The following BRMS1L variants were observed in gnomAD, a reference collection of about 807,000 sequenced individuals.
The protein encoded by BRMS1L is BRMS1 like transcriptional repressor, also known as breast cancer metastasis-suppressor 1-like protein.
In BRMS1L, 23 loss-of-function variants were observed where a neutral mutation model predicts 50.3. The observed-to-expected ratio is 0.46, with a 90% CI of 0.33 to 0.65. BRMS1L has a LOEUF of 0.65. Among genes scored for constraint, BRMS1L ranks in the 30% least tolerant of loss-of-function variants. The pLI, the probability that BRMS1L is intolerant of heterozygous loss-of-function variation, is 0.02. For synonymous variants in BRMS1L, 114 were observed against 126.9 expected (o/e 0.90, Z 0.69); for missense variants, 286 against 386.1 (o/e 0.74, Z 2.17).
At chr14:35,833,149 T>C in intron 3 of BRMS1L, 44 bp downstream of exon 3, 1 of 1,555,548 alleles carries the variant, frequency 6.4e-7, no homozygotes, top group East Asian at 2.3e-5. Flanking sequence ...ATGTAAACTC[T>C]TCAGTAGCTT....
chr14:35,838,386 C>T (rs1343289147), intron 4 of BRMS1L, among the ~76,000 whole-genome samples: 1 of 152,094 alleles, frequency 6.6e-6, no homozygotes, highest in Non-Finnish European at 1.5e-5. Flanking sequence ...TGGGTGTATA[C>T]CCAGTATTGG....
At chr14:35,835,723 T>C (rs536336586) in intron 4 of BRMS1L, among the ~76,000 whole-genome samples, 1 of 152,238 alleles carries the variant, frequency 6.6e-6, no homozygotes, top group South Asian at 2.1e-4. Context: ...CAGGTGGCTG[T>C]AGTCCTAGCT....
Position 35,826,509 on chromosome 14 carries a change from G to T in BRMS1L, c.-8G>T. The T allele has an allele frequency of 6.3e-7, 1 of 1,577,078 alleles. No homozygotes were observed. The highest frequency in any genetic ancestry group is 8.6e-7 in the Non-Finnish European group (1 of 1,161,828). On this transcript the variant is annotated 5_prime_UTR_variant, in exon 1 of 10. Transcript: ENST00000216807. ...GCCGGTAGTGGAAAGCGACGGCGCG[G>T]CTGGAAAATGCCAGTCCATTCCCGA...
chr14:35,832,090 A>C (rs868680427), intron 2 of BRMS1L, among the ~76,000 whole-genome samples: 1 of 152,180 alleles, frequency 6.6e-6, no homozygotes, highest in African/African-American at 2.4e-5. Context: ...TTCCTTGTTC[A>C]TTGAGCAACT....
chr14:35,862,163 T>G (rs911115312), intron 4 of BRMS1L, among the ~76,000 whole-genome samples: 7 of 152,148 alleles, frequency 4.6e-5, no homozygotes, highest in Non-Finnish European at 1.0e-4. Context: ...TGCTGAGATA[T>G]TAGTGAGGCA....
At chr14:35,838,040 C>T (rs946751856) in intron 4 of BRMS1L, among the ~76,000 whole-genome samples, 34 of 152,112 alleles carry the variant, frequency 2.2e-4, no homozygotes, top group African/African-American at 8.2e-4. Flanking sequence ...CACCCTCCCA[C>T]AGGCCTCGGT....
chr14:35,865,587 C>A, intron 7 of BRMS1L, 135 bp from the exon 8 acceptor site: 1 of 665,414 alleles, frequency 1.5e-6, no homozygotes, highest in Non-Finnish European at 2.5e-6. Context: ...TTTGTTAGAG[C>A]AGCTAATGGT....
intron 1 of BRMS1L, among the ~76,000 whole-genome samples, chr14:35,827,574 A>G (rs992734199): frequency 3.9e-5 from 6 of 152,200 alleles, no homozygotes; most frequent in Admixed American, 2.6e-4. Context: ...GCAAATCTCC[A>G]TGGAAGGATA....
rs375856358 is a variant in BRMS1L at position 35,868,042 on chromosome 14, C to G, written c.854+10C>G. The stretch of plus-strand genomic sequence containing the variant: ...ATGAATGTCCTACAAGGTAAAAAAG[C>G]CTTTGTTATTTCAGTGTTGCTCAGT... On this transcript the variant is annotated intron_variant, in intron 9 of 9. Coordinates refer to ENST00000216807, the MANE Select transcript of BRMS1L (RefSeq NM_032352.4). The G allele has an allele frequency of 9.5e-6, 15 of 1,579,948 alleles. No homozygotes were observed. The highest frequency in any genetic ancestry group is 2.4e-5 in the South Asian group (2 of 84,714).
intron 4 of BRMS1L, among the ~76,000 whole-genome samples, chr14:35,850,209 C>CACTCTG (rs2078192351): frequency 7.8e-6 from 1 of 128,942 alleles, no homozygotes; most frequent in Non-Finnish European, 1.7e-5. Flanking sequence ...GTTGCCTTTT[C>CACTCTG]TTTTTTTTTT....
chr14:35,837,496 T>C (rs1438922193), intron 4 of BRMS1L, among the ~76,000 whole-genome samples: 1 of 152,202 alleles, frequency 6.6e-6, no homozygotes, highest in Non-Finnish European at 1.5e-5. Context: ...TTTCTATTGC[T>C]TTTAGTCTAG....
chr14:35,832,622 ATTTC>A (rs1459724085), intron 2 of BRMS1L, among the ~76,000 whole-genome samples: 2 of 152,164 alleles, frequency 1.3e-5, no homozygotes, highest in African/African-American at 2.4e-5. Flanking sequence ...ATTCAAAATG[ATTTC>A]TTTGTTTCTT....
rs1354271632 is a variant in BRMS1L at position 35,849,628 on chromosome 14, C to G, written c.442-12962C>G. Among the ~76,000 whole-genome samples the G allele has an allele frequency of 2.6e-5, 4 of 152,168 alleles. No individual in the cohort carries two copies. The South Asian group carries it at 6.2e-4, about 24-fold the overall frequency. On this transcript the variant is annotated intron_variant, in intron 4 of 9. Coordinates refer to ENST00000216807, the MANE Select transcript of BRMS1L (RefSeq NM_032352.4). ...ACCTGTCTTTTTGATAATGGCCATTCTAACGGGTGTGGGATGATAAATCAT... is the reference window on the plus strand; with the variant it reads ...ACCTGTCTTTTTGATAATGGCCATTGTAACGGGTGTGGGATGATAAATCAT...
intron 4 of BRMS1L, among the ~76,000 whole-genome samples, chr14:35,840,347 C>T (rs1045227304): frequency 6.6e-6 from 1 of 152,166 alleles, no homozygotes; most frequent in Non-Finnish European, 1.5e-5. Context: ...TGTTGTGTCT[C>T]TGCCAAATTT....
chr14:35,829,808 T>C (rs960243110), intron 1 of BRMS1L: 2 of 1,251,926 alleles, frequency 1.6e-6, no homozygotes, highest in African/African-American at 3.1e-5. Context: ...GACTTTTATT[T>C]GATGAAGATC....
chr14:35,870,552 A>G lies in BRMS1L; in HGVS notation c.*75A>G, dbSNP rs994434855. 3.6e-6 allele frequency: 3 copies of G among 835,586 alleles called. No homozygotes were observed. Among genetic ancestry groups the G allele is most frequent in the African/African-American group, 1.7e-5 (1 of 58,340 alleles). 51.8% of individuals were successfully genotyped at this position (835,586 alleles called of 1,614,324 possible). On this transcript the variant is annotated 3_prime_UTR_variant, in exon 10 of 10. Transcript: ENST00000216807. ...AAGTGCCATGAGAGTAAAAAAATGT[A>G]TTCAATAACTTAATATTCTCACTGA... is the stretch of plus-strand genomic sequence containing the variant.
At chr14:35,860,864 G>A (rs1398905680) in intron 4 of BRMS1L, among the ~76,000 whole-genome samples, 5 of 152,232 alleles carry the variant, frequency 3.3e-5, no homozygotes, top group African/African-American at 1.2e-4. Flanking sequence ...GGATCAGTAA[G>A]TCTAGATGTG....
chr14:35,861,632 T>G (rs2078352423), intron 4 of BRMS1L, among the ~76,000 whole-genome samples: 1 of 152,158 alleles, frequency 6.6e-6, no homozygotes. Flanking sequence ...TTGCCTCAAG[T>G]TTGTAAGCCA....
At chr14:35,866,236 G>A (rs2078419414) in intron 8 of BRMS1L, among the ~76,000 whole-genome samples, 2 of 152,094 alleles carry the variant, frequency 1.3e-5, no homozygotes, top group Admixed American at 6.6e-5. Flanking sequence ...CTGCCAAAAT[G>A]TGATGGTGTT....
Sources: gnomAD v4.1 joint callset for allele counts (sites outside exome capture counted in the v4.1 genomes callset) on GRCh38, gnomAD v4.1.1 for gene constraint, MANE v1.5 for transcripts, NCBI Gene and HGNC (gene_info 2026-07-23, HGNC 2026-07-21) for gene names.